The following KISS1 variants were observed in gnomAD, a reference collection of about 807,000 sequenced individuals.
KISS1 encodes metastasis-suppressor KiSS-1.
For missense variants in KISS1, 182 were observed against 182.7 expected (o/e 1.00, Z 0.02); for synonymous variants, 97 against 88.7 (o/e 1.09, Z -0.52).
rs1160701539 is a variant in KISS1 at position 204,190,762 on chromosome 1, C to T, written c.139G>A (p.Gly47Arg). Residue 47 changes from glycine (G) to arginine (R), a missense_variant, in exon 3 of 3, where the codon GGG becomes AGG. Coordinates refer to ENST00000367194, the MANE Select transcript of KISS1 (RefSeq NM_002256.4). ...TCGGTGCACGGCAGGCTCTGCTCCC[C>T]GGGGGCCAGGAGGCCCAGGGATTCT... ...QLESLGLLAPGEQSLPCTERK... is the reference protein window; with the variant it reads ...QLESLGLLAPREQSLPCTERK... 5 of 1,611,452 alleles carry T rather than the reference C, an allele frequency of 3.1e-6. No homozygotes were observed. The highest frequency in any genetic ancestry group is 3.3e-5 in the Admixed American group (2 of 59,888).
At chr1:204,195,504 ACAC>A (rs1201032528) in intron 1 of KISS1, among the ~76,000 whole-genome samples, 1 of 149,852 alleles carries the variant, frequency 6.7e-6, no homozygotes, top group Non-Finnish European at 1.5e-5. Context: ...ACACACACAT[ACAC>A]CACACATACC....
Position 204,190,405 on chromosome 1 carries a change from T to G in KISS1, c.*79A>C. 3.5e-5 allele frequency: 28 copies of G among 799,904 alleles called. No homozygotes were observed. The highest frequency in any genetic ancestry group is 3.6e-4 in the Middle Eastern group (1 of 2,744). The allele number at this position is 799,904 out of a possible 1,614,324, so 49.6% of individuals were successfully genotyped here. On this transcript the variant is annotated 3_prime_UTR_variant, in exon 3 of 3. Coordinates refer to ENST00000367194, the MANE Select transcript of KISS1 (RefSeq NM_002256.4). ...GCTCCAGCGCCCCCTCCCTTAGCCC[T>G]ACGTCCCCGCCCCCCGCCCCCGCCC...
At chr1:204,191,101 G>A (rs1284326838) in intron 2 of KISS1, among the ~76,000 whole-genome samples, 1 of 152,186 alleles carries the variant, frequency 6.6e-6, no homozygotes, top group Non-Finnish European at 1.5e-5. Context: ...CAAAGTATTT[G>A]CTGAACACCC....
Position 204,192,638 on chromosome 1 carries a change from G to T in KISS1, c.103+136C>A. ...GTTAACAGGACCCCCTCAATGAGTT[G>T]CATGTGTGCCAGTCTTAGATTTCCA... On this transcript the variant is annotated intron_variant, in intron 2 of 2. Coordinates refer to ENST00000367194, the MANE Select transcript of KISS1 (RefSeq NM_002256.4). The surrounding 1 kb of genome is among the most constrained non-coding windows in gnomAD (Gnocchi z 4.2). 1.4e-6 allele frequency: 1 copy of T among 693,036 alleles called. No homozygotes were observed. Among genetic ancestry groups the T allele is most frequent in the Non-Finnish European group, 2.7e-6 (1 of 376,576 alleles). The allele number at this position is 693,036 out of a possible 1,614,324, so 42.9% of individuals were successfully genotyped here. A position where few individuals can be genotyped will look rare whatever the true frequency, so the allele number is the denominator to read the frequency against.
intron 1 of KISS1, among the ~76,000 whole-genome samples, chr1:204,195,047 C>T (rs533593649): frequency 4.0e-4 from 60 of 151,784 alleles, no homozygotes; most frequent in Non-Finnish European, 6.5e-4. Context: ...CTCTTTCTTC[C>T]GGCTCCCCTT....
rs1174358008 is a variant in KISS1, at chr1:204,190,538, G to A, written c.363C>T (p.Phe121=). Residue 121 remains phenylalanine (F), a synonymous_variant, in exon 3 of 3, where the codon TTC becomes TTT. Coordinates refer to ENST00000367194, the MANE Select transcript of KISS1 (RefSeq NM_002256.4). The stretch of plus-strand genomic sequence containing the variant: ...TCCCTGGTGCCGCCTCCCGCTTGCC[G>A]AAGCGCAGGCCGAAGGAGTTCCAGT... The part of the protein sequence containing the change: ...NYNWNSFGLR[F]GKREAAPGNH... 2.5e-6 allele frequency: 4 copies of A among 1,609,058 alleles called. No individual in the cohort carries two copies. Among genetic ancestry groups the A allele is most frequent in the South Asian group, 2.2e-5 (2 of 90,222 alleles).
intron 1 of KISS1, among the ~76,000 whole-genome samples, chr1:204,195,272 A>AC (rs1658827380): frequency 3.4e-3 from 4 of 1,194 alleles, no homozygotes; most frequent in Non-Finnish European, 5.7e-3. Context: ...ACACACACAC[A>AC]TACACCACAC....
At chr1:204,193,846 C>A (rs1475424304) in intron 1 of KISS1, among the ~76,000 whole-genome samples, 1 of 152,052 alleles carries the variant, frequency 6.6e-6, no homozygotes, top group Non-Finnish European at 1.5e-5. Context: ...GCTCCCAAAT[C>A]TAATTTCTTT....
At chr1:204,195,286 C>A (rs1355063449) in intron 1 of KISS1, among the ~76,000 whole-genome samples, 3 of 86,630 alleles carry the variant, frequency 3.5e-5, no homozygotes, top group South Asian at 4.5e-4. Flanking sequence ...ACCACACACA[C>A]CACACACATA....
intron 1 of KISS1, among the ~76,000 whole-genome samples, chr1:204,193,174 A>C (rs1186091514): frequency 2.0e-5 from 3 of 152,212 alleles, no homozygotes; most frequent in Admixed American, 6.5e-5. Flanking sequence ...AGGACAGTAA[A>C]GTTAGGAAAA....
chr1:204,190,405 T>A lies in KISS1; in HGVS notation c.*79A>T. ...GCTCCAGCGCCCCCTCCCTTAGCCC[T>A]ACGTCCCCGCCCCCCGCCCCCGCCC... On this transcript the variant is annotated 3_prime_UTR_variant, in exon 3 of 3. Coordinates refer to ENST00000367194, the MANE Select transcript of KISS1 (RefSeq NM_002256.4). 6 of 799,916 alleles carry A rather than the reference T, an allele frequency of 7.5e-6. No individual in the cohort carries two copies. The highest frequency in any genetic ancestry group is 2.9e-5 in the East Asian group (1 of 34,266). 49.6% of individuals were successfully genotyped at this position (799,916 alleles called of 1,614,324 possible). A position where few individuals can be genotyped will look rare whatever the true frequency, so the allele number is the denominator to read the frequency against.
intron 2 of KISS1, among the ~76,000 whole-genome samples, chr1:204,191,561 T>C (rs1658743981): frequency 6.6e-6 from 1 of 152,264 alleles, no homozygotes; most frequent in Admixed American, 6.5e-5. Flanking sequence ...CAACTAGCTC[T>C]GTGTAGACAA....
chr1:204,195,501 CAT>C (rs201051129), intron 1 of KISS1, among the ~76,000 whole-genome samples: 1 of 150,460 alleles, frequency 6.6e-6, no homozygotes, highest in Non-Finnish European at 1.5e-5. Context: ...CATACACACA[CAT>C]ACACCACACA....
rs1658768795 is a variant in KISS1 at position 204,192,744 on chromosome 1, C to T, written c.103+30G>A. The T allele has an allele frequency of 7.1e-7, 1 of 1,413,020 alleles. No homozygotes were observed. The highest frequency in any genetic ancestry group is 9.9e-7 in the Non-Finnish European group (1 of 1,011,434). The allele number at this position is 1,413,020 out of a possible 1,614,324, so 87.5% of individuals were successfully genotyped here. ...CATTTTGCAACAACCCACTTGCTCCCTCCCACTCCTTTCCCCAGAGGATAC... is the reference window on the plus strand; with the variant it reads ...CATTTTGCAACAACCCACTTGCTCCTTCCCACTCCTTTCCCCAGAGGATAC... On this transcript the variant is annotated intron_variant, in intron 2 of 2. Coordinates refer to ENST00000367194, the MANE Select transcript of KISS1 (RefSeq NM_002256.4). This position sits in a 1 kb window ranked among gnomAD's most constrained non-coding sequence, Gnocchi z 4.2.
intron 2 of KISS1, among the ~76,000 whole-genome samples, chr1:204,191,826 G>C (rs1388642473): frequency 6.6e-6 from 1 of 152,228 alleles, no homozygotes; most frequent in African/African-American, 2.4e-5. Context: ...TAGACCAGTA[G>C]TAAATCACTG....
Position 204,192,689 on chromosome 1 carries a change from A to C in KISS1, c.103+85T>G. On this transcript the variant is annotated intron_variant, in intron 2 of 2. Transcript: ENST00000367194. The surrounding 1 kb of genome is among the most constrained non-coding windows in gnomAD (Gnocchi z 4.2). ...CCAAATGCAATGTTAAACTCACACC[A>C]GTCGACTAGATGGAAAATACGGGAA... is the stretch of plus-strand genomic sequence containing the variant. 1.3e-5 allele frequency: 10 copies of C among 790,638 alleles called. No homozygotes were observed. Among genetic ancestry groups the C allele is most frequent in the Non-Finnish European group, 1.5e-5 (7 of 455,366 alleles). 49.0% of individuals were successfully genotyped at this position (790,638 alleles called of 1,614,324 possible).
chr1:204,191,569 C>T (rs922958438), intron 2 of KISS1, among the ~76,000 whole-genome samples: 1 of 152,186 alleles, frequency 6.6e-6, no homozygotes, highest in African/African-American at 2.4e-5. Flanking sequence ...TCTGTGTAGA[C>T]AATAACCCCA....
chr1:204,193,534 G>C (rs557346038), intron 1 of KISS1, among the ~76,000 whole-genome samples: 2 of 152,142 alleles, frequency 1.3e-5, no homozygotes, highest in East Asian at 3.9e-4. Flanking sequence ...TCTTTTATAA[G>C]GAAAAAGAAA....
At position 204,190,424 on chromosome 1, in the gene KISS1, C is replaced by T; in HGVS notation, c.*60G>A. 2.4e-6 allele frequency: 2 copies of T among 836,736 alleles called. No individual in the cohort carries two copies. Among genetic ancestry groups the T allele is most frequent in the Non-Finnish European group, 3.9e-6 (2 of 518,516 alleles). The allele number at this position is 836,736 out of a possible 1,614,324, so 51.8% of individuals were successfully genotyped here. On this transcript the variant is annotated 3_prime_UTR_variant, in exon 3 of 3. Coordinates refer to ENST00000367194, the MANE Select transcript of KISS1 (RefSeq NM_002256.4). ...TAGCCCTACGTCCCCGCCCCCCGCC[C>T]CCGCCCCGCATGCTCTGACTCCTTT...
Sources: gnomAD v4.1 joint callset for allele counts (sites outside exome capture counted in the v4.1 genomes callset) on GRCh38, gnomAD v4.1.1 for gene constraint, Gnocchi (gnomAD v3.1) non-coding constraint, MANE v1.5 for transcripts, NCBI Gene and HGNC (gene_info 2026-07-23, HGNC 2026-07-21) for gene names.